Variants in NCK2 observed in about 807,000 individuals in gnomAD.
NCK2 encodes NCK adaptor protein 2.
A neutral mutation model predicts 33.9 loss-of-function variants in NCK2; 16 were observed. That is an observed-to-expected ratio of 0.47 (90% CI 0.32 to 0.72). The LOEUF is 0.72. Ranked by LOEUF, NCK2 falls within the 30% of genes least tolerant of loss-of-function variation. NCK2 has a pLI of 0.03. For synonymous variants in NCK2, 273 were observed against 239.9 expected, an observed-to-expected ratio of 1.14 and a Z score of -1.27; for missense variants, 418 against 537.3, an observed-to-expected ratio of 0.78 and a Z score of 2.19.
intron 4 of NCK2, among the ~76,000 whole-genome samples, chr2:105,889,706 C>T (rs1441283271): frequency 6.6e-6 from 1 of 152,004 alleles, no homozygotes; most frequent in Non-Finnish European, 1.5e-5. Context: ...ACCCTGGCCT[C>T]CCAAGTAGCT....
intron 1 of NCK2, among the ~76,000 whole-genome samples, chr2:105,755,241 C>A (rs968167160): frequency 6.6e-6 from 1 of 152,050 alleles, no homozygotes; most frequent in African/African-American, 2.4e-5. Context: ...CAAGACCCAG[C>A]GGTAACTGTG....
intron 1 of NCK2, among the ~76,000 whole-genome samples, chr2:105,787,900 G>T (rs1558837073): frequency 6.6e-6 from 1 of 151,706 alleles, no homozygotes; most frequent in East Asian, 1.9e-4. Context: ...TGCGTATACC[G>T]CCCCCCACCG....
chr2:105,754,631 G>T (rs558249396), intron 1 of NCK2, among the ~76,000 whole-genome samples: 1 of 151,374 alleles, frequency 6.6e-6, no homozygotes, highest in East Asian at 1.9e-4. Context: ...GTCTGTGGGA[G>T]GTTGGGGGGA....
intron 1 of NCK2, among the ~76,000 whole-genome samples, chr2:105,761,109 C>A (rs1488233564): frequency 1.3e-5 from 2 of 152,226 alleles, no homozygotes; most frequent in Non-Finnish European, 2.9e-5. Context: ...GGGCCAGAGT[C>A]TGCTGTGAGG....
At chr2:105,827,967 G>A (rs950059338) in intron 2 of NCK2, among the ~76,000 whole-genome samples, 1 of 152,148 alleles carries the variant, frequency 6.6e-6, no homozygotes, top group Non-Finnish European at 1.5e-5. Flanking sequence ...CAGTTTCCTG[G>A]TTTCGATATT....
chr2:105,798,635 G>C (rs1691166665), intron 1 of NCK2, among the ~76,000 whole-genome samples: 1 of 152,128 alleles, frequency 6.6e-6, no homozygotes, highest in African/African-American at 2.4e-5. Flanking sequence ...TACTTTGATG[G>C]GGGAAGCCTG....
At position 105,811,009 on chromosome 2, in the gene NCK2, A is replaced by C. The variant is rs191424677; in HGVS notation, c.-200-5421A>C. 5.1e-4 allele frequency among the ~76,000 whole-genome samples: 78 copies of C among 152,184 alleles called. 1 individual carries two copies. Among genetic ancestry groups the C allele is most frequent in the African/African-American group, 1.9e-3 (77 of 41,524 alleles). ...GCCAACATGGTGAAACCCCGTCTCT[A>C]CTAAAAATACAAAAAAGTAGCTGGG... On this transcript the variant is annotated intron_variant, in intron 1 of 4. Transcript: ENST00000233154.
At chr2:105,873,006 G>T (rs1678078375) in intron 3 of NCK2, among the ~76,000 whole-genome samples, 1 of 152,164 alleles carries the variant, frequency 6.6e-6, no homozygotes, top group Admixed American at 6.5e-5. Flanking sequence ...CCAGACCAGT[G>T]GCATCTGGTG....
intron 2 of NCK2, among the ~76,000 whole-genome samples, chr2:105,824,443 T>C (rs533914028): frequency 6.6e-6 from 1 of 152,328 alleles, no homozygotes; most frequent in South Asian, 2.1e-4. Flanking sequence ...TCAGAAGTAC[T>C]TGGGAAAGGC....
At position 105,790,677 on chromosome 2, in the gene NCK2, C is replaced by T. The variant is rs118079753; in HGVS notation, c.-200-25753C>T. ...GCATCAGGCCAGGCCCTTAGTGCCTCCTTCCTCTGTTCTGGGCACCCCTAG... is the reference window on the plus strand; with the variant it reads ...GCATCAGGCCAGGCCCTTAGTGCCTTCTTCCTCTGTTCTGGGCACCCCTAG... On this transcript the variant is annotated intron_variant, in intron 1 of 4. Transcript: ENST00000233154. Among the ~76,000 whole-genome samples, 42 of 152,338 alleles carry T rather than the reference C, an allele frequency of 2.8e-4. No individual in the cohort carries two copies. In the East Asian group the frequency reaches 5.8e-3, roughly 21 times the overall value.
chr2:105,851,422 C>T (rs1316086968), intron 2 of NCK2, among the ~76,000 whole-genome samples: 2 of 152,182 alleles, frequency 1.3e-5, no homozygotes. Flanking sequence ...TGCCACCACC[C>T]CCGGCTGCTC....
At chr2:105,891,500 G>A (rs892538244) in intron 4 of NCK2, among the ~76,000 whole-genome samples, 1 of 132,826 alleles carries the variant, frequency 7.5e-6, no homozygotes, top group African/African-American at 2.9e-5. Flanking sequence ...CTTCTTTCCT[G>A]CATGCTTTTC....
At chr2:105,788,443 C>T (rs1690758559) in intron 1 of NCK2, among the ~76,000 whole-genome samples, 1 of 152,144 alleles carries the variant, frequency 6.6e-6, no homozygotes, top group African/African-American at 2.4e-5. Flanking sequence ...TATTTATAGT[C>T]ATACTCTATC....
intron 1 of NCK2, among the ~76,000 whole-genome samples, chr2:105,758,055 T>C (rs1162740929): frequency 6.6e-6 from 1 of 152,220 alleles, no homozygotes; most frequent in Non-Finnish European, 1.5e-5. Context: ...TGTGGGTCAA[T>C]TTTCAGGTAA....
At chr2:105,871,871 T>C (rs946445910) in intron 3 of NCK2, among the ~76,000 whole-genome samples, 1 of 152,134 alleles carries the variant, frequency 6.6e-6, no homozygotes, top group African/African-American at 2.4e-5. Flanking sequence ...AATTAGGACC[T>C]TAGAGAGCGG....
intron 1 of NCK2, among the ~76,000 whole-genome samples, chr2:105,784,057 G>A (rs571172260): frequency 5.9e-5 from 9 of 152,318 alleles, no homozygotes; most frequent in South Asian, 4.1e-4. Context: ...AACACCATGC[G>A]TGGCATTGGC....
Position 105,777,540 on chromosome 2 carries a change from A to G in NCK2, c.-201+32402A>G, listed in dbSNP as rs145955210. On this transcript the variant is annotated intron_variant, in intron 1 of 4. Coordinates refer to ENST00000233154, the MANE Select transcript of NCK2 (RefSeq NM_003581.5). ...TGGGATATTGATAATCATGCGGATT[A>G]TACCCACACACCAAAATGGAAAAAC... is the stretch of plus-strand genomic sequence containing the variant. Among the ~76,000 whole-genome samples, 3 of 152,308 alleles carry G rather than the reference A, an allele frequency of 2.0e-5. No homozygotes were observed. The East Asian group carries it at 5.8e-4, about 29-fold the overall frequency.
chr2:105,792,801 C>T (rs1267459100), intron 1 of NCK2, among the ~76,000 whole-genome samples: 3 of 152,104 alleles, frequency 2.0e-5, no homozygotes, highest in South Asian at 2.1e-4. Context: ...TCTATCAGGC[C>T]GAGGCCCATG....
Position 105,774,398 on chromosome 2 carries a change from A to T in NCK2, c.-201+29260A>T, listed in dbSNP as rs181901733. Among the ~76,000 whole-genome samples the T allele has an allele frequency of 2.2e-4, 33 of 152,242 alleles. No homozygotes were observed. In the East Asian group the frequency reaches 6.2e-3, roughly 29 times the overall value. The stretch of plus-strand genomic sequence containing the variant: ...CAGCAAGCCTTAACTTGGCTGTGTG[A>T]TGATGGTCTGACTGGTCTGACAGAT... On this transcript the variant is annotated intron_variant, in intron 1 of 4. Coordinates refer to ENST00000233154, the MANE Select transcript of NCK2 (RefSeq NM_003581.5).
Sources: gnomAD v4.1 joint callset for allele counts (sites outside exome capture counted in the v4.1 genomes callset) on GRCh38, gnomAD v4.1.1 for gene constraint, MANE v1.5 for transcripts, NCBI Gene and HGNC (gene_info 2026-07-23, HGNC 2026-07-21) for gene names.